RNF32: variants seen among roughly 807,000 people sequenced by gnomAD.
The protein encoded by RNF32 is ring finger protein 32.
RNF32 carries 36 observed loss-of-function variants against 41.0 expected under a neutral mutation model. That is an observed-to-expected ratio of 0.88 (90% CI 0.67 to 1.16). The LOEUF (loss-of-function observed/expected upper bound fraction) is 1.16. Among genes scored for constraint, RNF32 ranks in the 50% most tolerant of loss-of-function variants. The probability of loss-of-function intolerance (pLI) is 0.00; values close to 1 mark genes in which losing one functional copy is unlikely to be tolerated. For synonymous variants in RNF32, 154 were observed against 160.9 expected, an observed-to-expected ratio of 0.96 and a Z score of 0.32; for missense variants, 413 against 436.7, an observed-to-expected ratio of 0.95 and a Z score of 0.48.
At position 156,676,833 on chromosome 7, in the gene RNF32, A is replaced by G; in HGVS notation, c.*178A>G. ...AAAGCTGACATCCCACCTAATTTTA[A>G]TCTTTGGTCTCTAAAAAGTAAATTT... is the stretch of plus-strand genomic sequence containing the variant. On this transcript the variant is annotated 3_prime_UTR_variant, in exon 9 of 9. Coordinates refer to ENST00000317955, the MANE Select transcript of RNF32 (RefSeq NM_030936.4). The G allele has an allele frequency of 1.7e-6, 1 of 584,712 alleles. No homozygotes were observed. Among genetic ancestry groups the G allele is most frequent in the South Asian group, 2.2e-5 (1 of 44,514 alleles). 36.2% of individuals were successfully genotyped at this position (584,712 alleles called of 1,614,324 possible). A position where few individuals can be genotyped will look rare whatever the true frequency, so the allele number is the denominator to read the frequency against.
chr7:156,657,787 A>T (rs1412883044), intron 5 of RNF32: 1 of 615,870 alleles, frequency 1.6e-6, no homozygotes, highest in Non-Finnish European at 2.9e-6. Flanking sequence ...ATGTTTATGT[A>T]ACAGATTGTT....
rs1804131730 is a variant in RNF32, at chr7:156,676,749, T to G, written c.*94T>G. 5.7e-6 allele frequency: 5 copies of G among 874,778 alleles called. No homozygotes were observed. The Admixed American group carries it at 7.8e-5, about 14-fold the overall frequency. 54.2% of individuals were successfully genotyped at this position (874,778 alleles called of 1,614,324 possible). ...GAGTTCTGGGTTAAGTACTACAATG[T>G]AATCTGTTTCCCAGGGAAATAAGCT... On this transcript the variant is annotated 3_prime_UTR_variant, in exon 9 of 9. Coordinates refer to ENST00000317955, the MANE Select transcript of RNF32 (RefSeq NM_030936.4).
chr7:156,652,841 A>G (rs149558121), intron 3 of RNF32, among the ~76,000 whole-genome samples: 2,191 of 152,298 alleles, frequency 0.014, 39 homozygotes, highest in African/African-American at 0.049. Flanking sequence ...GGATAGCTTG[A>G]GCCCAGGAGA....
intron 3 of RNF32, among the ~76,000 whole-genome samples, chr7:156,652,155 G>A (rs1231985700): frequency 6.6e-6 from 1 of 152,188 alleles, no homozygotes; most frequent in Non-Finnish European, 1.5e-5. Context: ...TCTTGATATG[G>A]AAATCTTTCC....
At chr7:156,652,788 T>C (rs966392326) in intron 3 of RNF32, among the ~76,000 whole-genome samples, 7 of 152,178 alleles carry the variant, frequency 4.6e-5, no homozygotes, top group African/African-American at 1.7e-4. Context: ...GAGCATGGTA[T>C]TGTGTGCCTT....
chr7:156,668,505 TG>T (rs1801724969), intron 7 of RNF32, among the ~76,000 whole-genome samples: 1 of 152,178 alleles, frequency 6.6e-6, no homozygotes, highest in Non-Finnish European at 1.5e-5. Context: ...GACTTGCACC[TG>T]TGGGTCTTGC....
intron 3 of RNF32, among the ~76,000 whole-genome samples, chr7:156,648,037 T>G: frequency 6.6e-6 from 1 of 151,928 alleles, no homozygotes; most frequent in African/African-American, 2.4e-5. Flanking sequence ...TTGTTTTTTT[T>G]TTTTCTTGCT....
intron 7 of RNF32, chr7:156,658,853 A>C (rs573290779): frequency 1.9e-5 from 28 of 1,508,016 alleles, no homozygotes; most frequent in South Asian, 9.7e-5. Context: ...AAATAAACTT[A>C]TCTCTTCAGA....
chr7:156,675,899 C>T (rs976124512), intron 8 of RNF32, 36 bp downstream of exon 8: 35 of 1,593,122 alleles, frequency 2.2e-5, no homozygotes, highest in Non-Finnish European at 2.7e-5. Flanking sequence ...CCAGCAGACT[C>T]AGCTGCAGCT....
rs1043842205 is a variant in RNF32, at chr7:156,670,873, G to A, written c.685-4823G>A. On this transcript the variant is annotated intron_variant, in intron 7 of 8. Coordinates refer to ENST00000317955, the MANE Select transcript of RNF32 (RefSeq NM_030936.4). The surrounding 1 kb of genome is among the most constrained non-coding windows in gnomAD (Gnocchi z 4.3). ...ATGAGGAAGGAAAATGGCCCCAGAC[G>A]GGAAATCTGAGATGTCAGTGGTAAA... Among the ~76,000 whole-genome samples, 23 of 152,188 alleles carry A rather than the reference G, an allele frequency of 1.5e-4. No individual in the cohort carries two copies. The highest frequency in any genetic ancestry group is 9.7e-5 in the African/African-American group (4 of 41,448).
intron 7 of RNF32, among the ~76,000 whole-genome samples, chr7:156,675,183 T>C (rs965201461): frequency 6.6e-6 from 1 of 152,208 alleles, no homozygotes; most frequent in African/African-American, 2.4e-5. Context: ...GCCTGAGCGC[T>C]TTCTATGCTA....
intron 3 of RNF32, among the ~76,000 whole-genome samples, chr7:156,649,214 TTTGAA>T (rs910854081): frequency 6.6e-6 from 1 of 152,198 alleles, no homozygotes; most frequent in African/African-American, 2.4e-5. Context: ...GGAGATTTTT[TTTGAA>T]TTGGATTTAT....
chr7:156,663,770 G>A (rs1585070135), intron 7 of RNF32, among the ~76,000 whole-genome samples: 2 of 152,138 alleles, frequency 1.3e-5, no homozygotes, highest in African/African-American at 4.8e-5. Context: ...CAGCATACAG[G>A]AAATTTTAGT....
Position 156,676,956 on chromosome 7 carries a change from G to A in RNF32, c.*301G>A, listed in dbSNP as rs1263261001. On this transcript the variant is annotated 3_prime_UTR_variant, in exon 9 of 9. Coordinates refer to ENST00000317955, the MANE Select transcript of RNF32 (RefSeq NM_030936.4). ...GTTAAGATATAGCTAGTGTCTGAACGACACTCCTTAAAGTAAGTTCCAAAT... is the reference window on the plus strand; with the variant it reads ...GTTAAGATATAGCTAGTGTCTGAACAACACTCCTTAAAGTAAGTTCCAAAT... 4.3e-5 allele frequency: 13 copies of A among 302,980 alleles called. No homozygotes were observed. The highest frequency in any genetic ancestry group is 6.8e-5 in the Non-Finnish European group (11 of 160,754). The allele number at this position is 302,980 out of a possible 1,614,324, so 18.8% of individuals were successfully genotyped here. A position where few individuals can be genotyped will look rare whatever the true frequency, so the allele number is the denominator to read the frequency against.
chr7:156,661,264 G>T (rs1465859646), intron 7 of RNF32, among the ~76,000 whole-genome samples: 1 of 151,874 alleles, frequency 6.6e-6, no homozygotes, highest in Non-Finnish European at 1.5e-5. Context: ...CATTGTTAAG[G>T]TTTTCCTAGG....
intron 6 of RNF32, 44 bp from the exon 7 acceptor site, chr7:156,658,418 T>G: frequency 6.5e-7 from 1 of 1,541,690 alleles, no homozygotes; most frequent in Non-Finnish European, 9.0e-7. Context: ...TTGGTTGACA[T>G]AGAGTCATCA....
intron 3 of RNF32, among the ~76,000 whole-genome samples, chr7:156,650,221 C>T (rs1419267229): frequency 2.6e-5 from 4 of 152,326 alleles, no homozygotes; most frequent in South Asian, 4.1e-4. Flanking sequence ...GGTGCTGCCC[C>T]GTGCATGGAC....
At chr7:156,648,410 C>T (rs545558264) in intron 3 of RNF32, among the ~76,000 whole-genome samples, 4 of 152,208 alleles carry the variant, frequency 2.6e-5, no homozygotes, top group Non-Finnish European at 4.4e-5. Flanking sequence ...GGAATAATGT[C>T]GTACAGTAGT....
At chr7:156,675,590 C>CA in intron 7 of RNF32, 106 bp from the exon 8 acceptor site, 1 of 840,024 alleles carries the variant, frequency 1.2e-6, no homozygotes, top group South Asian at 1.6e-5. Flanking sequence ...TATTCGAAGA[C>CA]AGAGACGAGG....
Sources: gnomAD v4.1 joint callset for allele counts (sites outside exome capture counted in the v4.1 genomes callset) on GRCh38, gnomAD v4.1.1 for gene constraint, Gnocchi (gnomAD v3.1) non-coding constraint, MANE v1.5 for transcripts, NCBI Gene and HGNC (gene_info 2026-07-23, HGNC 2026-07-21) for gene names.